SLFN14: variants seen among roughly 807,000 people sequenced by gnomAD.
The protein encoded by SLFN14 is protein SLFN14.
In SLFN14, 47 loss-of-function variants were observed where a neutral mutation model predicts 58.6. The ratio of observed to expected loss-of-function variants is 0.80; its 90% CI spans 0.64 to 1.02. SLFN14 has a LOEUF of 1.02. SLFN14 is among the 50% of genes least tolerant of loss of function. SLFN14 has a pLI of 0.00. For missense variants in SLFN14, 967 were observed against 1,078.4 expected (o/e 0.90, Z 1.45); for synonymous variants, 390 against 387.3 (o/e 1.01, Z -0.08).
chr17:35,551,984 T>C (rs1290362316), intron 5 of SLFN14, among the ~76,000 whole-genome samples: 2 of 152,178 alleles, frequency 1.3e-5, no homozygotes, highest in Non-Finnish European at 2.9e-5. Flanking sequence ...GGACCCTGTA[T>C]CTTTAACCTC....
Position 35,557,147 on chromosome 17 carries a change from C to G in SLFN14, c.916G>C (p.Asp306His), listed in dbSNP as rs373500415. 1,114 of 1,551,582 alleles carry G rather than the reference C, an allele frequency of 7.2e-4. 1 individual carries two copies. The highest frequency in any genetic ancestry group is 8.7e-4 in the Non-Finnish European group (1,000 of 1,147,002). Residue 306 changes from aspartate (D) to histidine (H), a missense_variant, in exon 3 of 6, where the codon GAT becomes CAT. By Grantham distance (81) the Asp-to-His change is moderately conservative (BLOSUM62 -1). Transcript: ENST00000674182. ...ACTTGAATCACACAGACATAACCAT[C>G]CAGGACATCTTTTTGGTACACATTC... Reference protein sequence around the residue: ...ILNVYQKDVLDGYVCVIQVEP... With the variant: ...ILNVYQKDVLHGYVCVIQVEP...
rs753345092 is a variant in SLFN14, at chr17:35,553,276, T to C, written c.1358A>G (p.Asn453Ser). The C allele has an allele frequency of 9.7e-5, 150 of 1,551,530 alleles. No individual in the cohort carries two copies. Among genetic ancestry groups the C allele is most frequent in the Non-Finnish European group, 1.2e-4 (138 of 1,146,984 alleles). ...AGDVGFRKEQ[N>S]VLCDALLIAV... ...TATCAGGAGAGCATCACACAGGACA[T>C]TCTGTTCTTTCCTGAAGCCAACATC... The change falls in exon 5 of 6, where the codon AAT (asparagine) becomes AGT (serine). Residue 453 changes from asparagine (N) to serine (S), a missense_variant. Asn to Ser is a conservative substitution (Grantham distance 46). Transcript: ENST00000674182.
chr17:35,555,856 C>T (rs574242223), intron 3 of SLFN14, among the ~76,000 whole-genome samples: 7 of 152,234 alleles, frequency 4.6e-5, no homozygotes, highest in African/African-American at 1.7e-4. Flanking sequence ...CCTGCTCCCC[C>T]CAGCACCCCC....
chr17:35,558,077 T>C lies in SLFN14; in HGVS notation c.-15A>G. On this transcript the variant is annotated 5_prime_UTR_variant, in exon 3 of 6. Coordinates refer to ENST00000674182, the MANE Select transcript of SLFN14 (RefSeq NM_001129820.2). ...AGACTCTCCATTTCAGCAGCCCCTCTGTGCTCCAAACAATAAAAGAAAGGA... is the reference window on the plus strand; with the variant it reads ...AGACTCTCCATTTCAGCAGCCCCTCCGTGCTCCAAACAATAAAAGAAAGGA... The C allele has an allele frequency of 6.5e-7, 1 of 1,545,040 alleles. No homozygotes were observed. Among genetic ancestry groups the C allele is most frequent in the Non-Finnish European group, 8.7e-7 (1 of 1,143,828 alleles).
intron 5 of SLFN14, among the ~76,000 whole-genome samples, chr17:35,549,854 G>A (rs564998444): frequency 1.3e-5 from 2 of 152,214 alleles, no homozygotes; most frequent in South Asian, 4.1e-4. Flanking sequence ...GGACTGTGTG[G>A]ACTCAAATAA....
In SLFN14 at chr17:35,546,376, C is replaced by G. The variant is rs865967358; in HGVS notation, c.*1863G>C. Among the ~76,000 whole-genome samples, 1 of 152,160 alleles carries G rather than the reference C, an allele frequency of 6.6e-6. No homozygotes were observed. Among genetic ancestry groups the G allele is most frequent in the African/African-American group, 2.4e-5 (1 of 41,428 alleles). ...AGAGGTTTTTCTTTTCAACCCGTGC[C>G]TAGGTACAGACTAGCCCTTCTAATG... is the stretch of plus-strand genomic sequence containing the variant. On this transcript the variant is annotated 3_prime_UTR_variant, in exon 6 of 6. Coordinates refer to ENST00000674182, the MANE Select transcript of SLFN14 (RefSeq NM_001129820.2).
Position 35,553,168 on chromosome 17 carries a change from G to A in SLFN14, c.1466C>T (p.Ala489Val), listed in dbSNP as rs1276823014. ...TTGCAGTTTCTGCTTTAACTGATGA[G>A]CTGTGTTTCGGGCATATTCAAGTCC... ...PGGLEYARNT[A>V]HQLKQKLQTV... Residue 489 changes from alanine (A) to valine (V), a missense_variant, in exon 5 of 6, where the codon GCT becomes GTT. By Grantham distance (64) the Ala-to-Val change is moderately conservative (BLOSUM62 0). Coordinates refer to ENST00000674182, the MANE Select transcript of SLFN14 (RefSeq NM_001129820.2). 1.0e-5 allele frequency: 16 copies of A among 1,551,654 alleles called. No homozygotes were observed. The highest frequency in any genetic ancestry group is 1.4e-5 in the Non-Finnish European group (16 of 1,146,980).
At position 35,547,901 on chromosome 17, in the gene SLFN14, C is replaced by T. The variant is rs2072546630; in HGVS notation, c.*338G>A. On this transcript the variant is annotated 3_prime_UTR_variant, in exon 6 of 6. Transcript: ENST00000674182. ...TGGTTAGGTTTGAAGGCTGTGGGGA[C>T]TCATTGAAGATATGTTAGCAAGGTA... Among the ~76,000 whole-genome samples the T allele has an allele frequency of 1.3e-5, 2 of 152,116 alleles. No homozygotes were observed. Among genetic ancestry groups the T allele is most frequent in the African/African-American group, 4.8e-5 (2 of 41,418 alleles).
intron 5 of SLFN14, 69 bp from the exon 6 acceptor site, chr17:35,549,142 G>A: frequency 3.2e-6 from 4 of 1,245,146 alleles, no homozygotes; most frequent in Non-Finnish European, 4.5e-6. Flanking sequence ...ATTACTCTCT[G>A]GAATGGAATC....
In SLFN14 at chr17:35,553,239, G is replaced by T. The variant is rs2142204006; in HGVS notation, c.1395C>A (p.Ser465Arg). 1 of 1,551,668 alleles carries T rather than the reference G, an allele frequency of 6.4e-7. No individual in the cohort carries two copies. Among genetic ancestry groups the T allele is most frequent in the East Asian group, 2.4e-5 (1 of 40,920 alleles). ...LCDALLIAVNSPVVLYTILID... is the reference protein window; with the variant it reads ...LCDALLIAVNRPVVLYTILID... ...TTAAGATTGTATAGAGTACCACGGG[G>T]CTGTTAACTGCTATCAGGAGAGCAT... is the stretch of plus-strand genomic sequence containing the variant. The change falls in exon 5 of 6, where the codon AGC (serine) becomes AGA (arginine). Residue 465 changes from serine to arginine, a missense_variant. By Grantham distance (110) the Ser-to-Arg change is moderately radical. Transcript: ENST00000674182.
Position 35,559,709 on chromosome 17 carries a change from G to A in SLFN14, c.-45+18C>T, listed in dbSNP as rs181136789. On this transcript the variant is annotated intron_variant, in intron 2 of 5. Coordinates refer to ENST00000674182, the MANE Select transcript of SLFN14 (RefSeq NM_001129820.2). ...ATCTTTGCAAAGCAGGGGCCCTGTG[G>A]GCATTGTATATACTCACCAAGAGGA... Among the ~76,000 whole-genome samples, 59 of 152,238 alleles carry A rather than the reference G, an allele frequency of 3.9e-4. No homozygotes were observed. The highest frequency in any genetic ancestry group is 3.4e-3 in the Middle Eastern group (1 of 294).
At chr17:35,551,329 C>A (rs1028940022) in intron 5 of SLFN14, among the ~76,000 whole-genome samples, 2 of 152,126 alleles carry the variant, frequency 1.3e-5, no homozygotes, top group Non-Finnish European at 2.9e-5. Flanking sequence ...TCTTCCCACA[C>A]GAATAGTCTG....
At chr17:35,552,635 T>TACACATATATATAC in intron 5 of SLFN14, 95 bp downstream of exon 5, 1 of 395,216 alleles carries the variant, frequency 2.5e-6, no homozygotes. Context: ...CACATATATA[T>TACACATATATATAC]ACATATATAT....
At position 35,557,071 on chromosome 17, in the gene SLFN14, A is replaced by G. The variant is rs1010302372; in HGVS notation, c.992T>C (p.Met331Thr). 21 of 1,551,668 alleles carry G rather than the reference A, an allele frequency of 1.4e-5. No individual in the cohort carries two copies. The highest frequency in any genetic ancestry group is 1.7e-5 in the Non-Finnish European group (19 of 1,146,978). Residue 331 changes from methionine (M) to threonine (T), a missense_variant, in exon 3 of 6, where the codon ATG becomes ACG. By Grantham distance (81) the Met-to-Thr change is moderately conservative. Coordinates refer to ENST00000674182, the MANE Select transcript of SLFN14 (RefSeq NM_001129820.2). ...CAGCCGTGTGACAGAATTGTCTTTC[A>G]TGATCCAGGAATCTGGGGCCTCTGC... ...VFAEAPDSWI[M>T]KDNSVTRLTA...
At chr17:35,553,936 G>A (rs549141999) in intron 4 of SLFN14, among the ~76,000 whole-genome samples, 19 of 152,200 alleles carry the variant, frequency 1.2e-4, no homozygotes, top group African/African-American at 3.4e-4. Flanking sequence ...CACCATGCCC[G>A]GCCTGAGAAT....
Position 35,545,075 on chromosome 17 carries a change from A to G in SLFN14, c.*3164T>C, listed in dbSNP as rs940397590. On this transcript the variant is annotated 3_prime_UTR_variant, in exon 6 of 6. Coordinates refer to ENST00000674182, the MANE Select transcript of SLFN14 (RefSeq NM_001129820.2). ...AGTCCCCACCAGTTCCTAATCTTAC[A>G]TTTGAATCTAATGAACTATCATCAT... 1.3e-5 allele frequency among the ~76,000 whole-genome samples: 2 copies of G among 152,196 alleles called. No individual in the cohort carries two copies. The highest frequency in any genetic ancestry group is 2.9e-5 in the Non-Finnish European group (2 of 68,036).
chr17:35,548,294 G>A lies in SLFN14; in HGVS notation c.2684C>T (p.Ala895Val). The change falls in exon 6 of 6, where the codon GCT (alanine) becomes GTT (valine). Residue 895 changes from alanine (A) to valine (V), a missense_variant. Transcript: ENST00000674182. ...GTAGAGGTGTTTAATGGCTCTTGAA[G>A]CAAAGCAGAGCTTATGAAATTCCTC... ...QSEEFHKLCF[A>V]SRAIKHLYLL... The A allele has an allele frequency of 6.4e-7, 1 of 1,551,722 alleles. No homozygotes were observed.
At chr17:35,551,329 C>T (rs1028940022) in intron 5 of SLFN14, among the ~76,000 whole-genome samples, 1 of 152,126 alleles carries the variant, frequency 6.6e-6, no homozygotes, top group African/African-American at 2.4e-5. Flanking sequence ...TCTTCCCACA[C>T]GAATAGTCTG....
At position 35,553,409 on chromosome 17, in the gene SLFN14, G is replaced by A; in HGVS notation, c.1225C>T (p.Leu409Phe). ...TGATCTGAGAACAGCTTCTTACAGA[G>A]GGATTCTGGTTTAAATTGTACCTCT... ...QEEVQFKPESLCKKLFSDHKE... is the reference protein window; with the variant it reads ...QEEVQFKPESFCKKLFSDHKE... Residue 409 changes from leucine to phenylalanine, a missense_variant, in exon 5 of 6, where the codon CTC (leucine) becomes TTC (phenylalanine). Transcript: ENST00000674182. 1 of 1,550,466 alleles carries A rather than the reference G, an allele frequency of 6.4e-7. No individual in the cohort carries two copies. The highest frequency in any genetic ancestry group is 8.7e-7 in the Non-Finnish European group (1 of 1,146,470).
Sources: gnomAD v4.1 joint callset for allele counts (sites outside exome capture counted in the v4.1 genomes callset) on GRCh38, gnomAD v4.1.1 for gene constraint, MANE v1.5 for transcripts, NCBI Gene and HGNC (gene_info 2026-07-23, HGNC 2026-07-21) for gene names.